The following TBC1D19 variants were observed in gnomAD, a reference collection of about 807,000 sequenced individuals.
TBC1D19 encodes TBC1 domain family, member 19.
A neutral mutation model predicts 89.0 loss-of-function variants in TBC1D19; 60 were observed. The observed-to-expected ratio is 0.67, with a 90% confidence interval of 0.55 to 0.84. TBC1D19 has a LOEUF of 0.84. Ranked by LOEUF, TBC1D19 falls within the 40% of genes least tolerant of loss-of-function variation. The probability of loss-of-function intolerance (pLI) is 0.00; values close to 1 mark genes in which losing one functional copy is unlikely to be tolerated. For synonymous variants in TBC1D19, 189 were observed against 199.7 expected (o/e 0.95, Z 0.45); for missense variants, 500 against 610.8 (o/e 0.82, Z 1.91).
At chr4:26,580,392 G>A (rs1287792427), upstream of TBC1D19, among the ~76,000 whole-genome samples, 1 of 152,186 alleles carries the variant, frequency 6.6e-6, no homozygotes, top group Admixed American at 6.5e-5. Context: ...CCCGAGGCAG[G>A]CAGAGTAGAA....
At chr4:26,808,868 T>C in the TBC1D19 span, among the ~76,000 whole-genome samples, 1 of 152,190 alleles carries the variant, frequency 6.6e-6, no homozygotes, top group Non-Finnish European at 1.5e-5. Flanking sequence ...AATGTGGTCA[T>C]TGCTGAGCAG....
the TBC1D19 span, among the ~76,000 whole-genome samples, chr4:26,788,429 G>C: frequency 6.6e-6 from 1 of 152,162 alleles, no homozygotes; most frequent in African/African-American, 2.4e-5. Context: ...TGTGCATTTT[G>C]TGCAAAGAGG....
chr4:26,715,062 A>T (rs375592655), intron 13 of TBC1D19, among the ~76,000 whole-genome samples: 40 of 152,128 alleles, frequency 2.6e-4, no homozygotes, highest in African/African-American at 9.6e-4. Context: ...ACTACCATCT[A>T]TATGTTGATA....
chr4:26,581,207 T>A (rs897559337), upstream of TBC1D19, among the ~76,000 whole-genome samples: 1 of 152,194 alleles, frequency 6.6e-6, no homozygotes, highest in Non-Finnish European at 1.5e-5. Flanking sequence ...TTTTCTTTTT[T>A]AAAAAATTTA....
chr4:26,618,275 G>A (rs1422218999), intron 3 of TBC1D19, among the ~76,000 whole-genome samples: 1 of 152,206 alleles, frequency 6.6e-6, no homozygotes, highest in Non-Finnish European at 1.5e-5. Flanking sequence ...GAACACGTAA[G>A]GCCGGCATTT....
At chr4:26,840,105 T>C in the TBC1D19 span, among the ~76,000 whole-genome samples, 1 of 152,036 alleles carries the variant, frequency 6.6e-6, no homozygotes, top group Non-Finnish European at 1.5e-5. Flanking sequence ...TCTTTTTGAC[T>C]GAGTTATACT....
chr4:26,659,795 G>A (rs1433177933), intron 8 of TBC1D19, 88 bp downstream of exon 8: 2 of 689,750 alleles, frequency 2.9e-6, no homozygotes, highest in Non-Finnish European at 4.5e-6. Flanking sequence ...AAGCAATAGG[G>A]TAATCTACTC....
chr4:26,659,108 T>C (rs1424366909), intron 7 of TBC1D19, among the ~76,000 whole-genome samples: 1 of 152,192 alleles, frequency 6.6e-6, no homozygotes, highest in Non-Finnish European at 1.5e-5. Context: ...GGCCAGAACT[T>C]CCAATATTAT....
At chr4:26,796,081 A>G in the TBC1D19 span, among the ~76,000 whole-genome samples, 2 of 152,312 alleles carry the variant, frequency 1.3e-5, no homozygotes, top group Non-Finnish European at 1.5e-5. Flanking sequence ...CTTGTCCTTT[A>G]TTATACAGCA....
intron 13 of TBC1D19, among the ~76,000 whole-genome samples, chr4:26,716,923 G>A (rs1468618637): frequency 6.6e-6 from 1 of 151,994 alleles, no homozygotes; most frequent in Non-Finnish European, 1.5e-5. Flanking sequence ...TGGGATCATA[G>A]GCATGAGCTA....
the TBC1D19 span, among the ~76,000 whole-genome samples, chr4:26,830,821 C>T: frequency 6.6e-6 from 1 of 152,326 alleles, no homozygotes; most frequent in African/African-American, 2.4e-5. Context: ...TATAGAGACT[C>T]ATCCTTCAGT....
chr4:26,781,105 C>G, the TBC1D19 span, among the ~76,000 whole-genome samples: 5 of 152,182 alleles, frequency 3.3e-5, no homozygotes, highest in Non-Finnish European at 5.9e-5. Flanking sequence ...ACCTGGGAAC[C>G]TGTTAGAAAT....
the TBC1D19 span, among the ~76,000 whole-genome samples, chr4:26,830,690 C>G: frequency 2.9e-4 from 44 of 152,134 alleles, no homozygotes; most frequent in Admixed American, 2.6e-3. Context: ...GACCTGAAAA[C>G]TCTTTAAGGC....
chr4:26,768,980 A>G, the TBC1D19 span, among the ~76,000 whole-genome samples: 1 of 151,946 alleles, frequency 6.6e-6, no homozygotes, highest in African/African-American at 2.4e-5. Flanking sequence ...AAGCAGAAGA[A>G]ACATGAAGAA....
chr4:26,590,779 CTT>C (rs1300024871), intron 1 of TBC1D19, among the ~76,000 whole-genome samples: 2 of 74,478 alleles, frequency 2.7e-5, no homozygotes, highest in Non-Finnish European at 5.3e-5. Flanking sequence ...AAGGTTCACT[CTT>C]TGTCTTGCAG....
intron 3 of TBC1D19, among the ~76,000 whole-genome samples, chr4:26,619,485 A>G (rs974541283): frequency 2.0e-5 from 3 of 152,172 alleles, no homozygotes; most frequent in Non-Finnish European, 2.9e-5. Context: ...GATTGCAGGC[A>G]TAAGCCACCA....
chr4:26,800,199 C>T, the TBC1D19 span, among the ~76,000 whole-genome samples: 2 of 152,164 alleles, frequency 1.3e-5, no homozygotes, highest in African/African-American at 2.4e-5. Context: ...TGTTCTCCTT[C>T]CTGTGTCCAT....
chr4:26,604,154 T>C (rs13148359), intron 1 of TBC1D19, among the ~76,000 whole-genome samples: 41,291 of 110,356 alleles, frequency 0.37, 7,090 homozygotes, highest in Admixed American at 0.49. Flanking sequence ...TTTTCTTTTT[T>C]TTTTTTTTTT....
intron 13 of TBC1D19, among the ~76,000 whole-genome samples, chr4:26,716,929 A>T (rs1716662568): frequency 6.6e-6 from 1 of 152,030 alleles, no homozygotes; most frequent in Admixed American, 6.6e-5. Flanking sequence ...CATAGGCATG[A>T]GCTACCATGC....
Sources: allele counts gnomAD v4.1 joint callset (sites outside exome capture counted in the v4.1 genomes callset), GRCh38; gene constraint gnomAD v4.1.1; transcripts MANE v1.5; gene names NCBI Gene and HGNC (gene_info 2026-07-23, HGNC 2026-07-21).